The following RAP1GAP2 variants were observed in gnomAD, a reference collection of about 807,000 sequenced individuals.
RAP1GAP2 encodes RAP1 GTPase activating protein 2, also known as rap1 GTPase-activating protein 2.
A neutral mutation model predicts 95.0 loss-of-function variants in RAP1GAP2; 27 were observed. That is an observed-to-expected ratio of 0.28 (90% CI 0.21 to 0.39). The LOEUF is 0.39. Ranked by LOEUF, RAP1GAP2 falls within the 10% of genes least tolerant of loss-of-function variation. The probability of loss-of-function intolerance (pLI) is 1.00; values close to 1 mark genes in which losing one functional copy is unlikely to be tolerated. For missense variants in RAP1GAP2, 771 were observed against 970.0 expected (o/e 0.79, Z 2.72); for synonymous variants, 373 against 380.9 (o/e 0.98, Z 0.24).
intron 22 of RAP1GAP2, among the ~76,000 whole-genome samples, chr17:3,030,003 T>C (rs2047240282): frequency 7.1e-6 from 1 of 141,650 alleles, no homozygotes; most frequent in South Asian, 2.1e-4. Flanking sequence ...GAATGTGGAC[T>C]GATATTACCA....
intron 2 of RAP1GAP2, among the ~76,000 whole-genome samples, chr17:2,830,713 C>G (rs1436158966): frequency 6.7e-6 from 1 of 148,746 alleles, no homozygotes; most frequent in Non-Finnish European, 1.5e-5. Context: ...GACTCTGTCT[C>G]AAAACAAAAC....
Position 2,963,433 on chromosome 17 carries a change from G to A in RAP1GAP2, c.250G>A (p.Asp84Asn), listed in dbSNP as rs748773199. ...QKPGPQKNKDDYIPYPSIDEV... is the reference protein window; with the variant it reads ...QKPGPQKNKDNYIPYPSIDEV... ...CATCATCTGGTTTGTCTTGCAGGAC[G>A]ACTATATCCCATACCCCAGCATCGA... The change falls in exon 6 of 25, where the codon GAC becomes AAC. Residue 84 changes from aspartate (D) to asparagine (N), a missense_variant. Coordinates refer to ENST00000254695, the MANE Select transcript of RAP1GAP2 (RefSeq NM_015085.5). The surrounding 1 kb of genome is among the most constrained non-coding windows in gnomAD (Gnocchi z 4.8). 7 of 1,613,788 alleles carry A rather than the reference G, an allele frequency of 4.3e-6. No individual in the cohort carries two copies. The South Asian group carries it at 5.5e-5, about 13-fold the overall frequency.
chr17:2,865,497 A>G (rs1342026020), intron 2 of RAP1GAP2, among the ~76,000 whole-genome samples: 1 of 152,192 alleles, frequency 6.6e-6, no homozygotes, highest in Non-Finnish European at 1.5e-5. Context: ...ACTTCTCGAT[A>G]TGAACTGGAA....
intron 2 of RAP1GAP2, among the ~76,000 whole-genome samples, chr17:2,822,155 C>T (rs767134987): frequency 3.6e-4 from 54 of 152,098 alleles, no homozygotes; most frequent in African/African-American, 1.1e-3. Flanking sequence ...CATAATATGT[C>T]GTGGGTCCTG....
rs1037266378 is a variant in RAP1GAP2 at position 2,796,907 on chromosome 17, T to C, written c.44+336T>C. 6.6e-6 allele frequency among the ~76,000 whole-genome samples: 1 copy of C among 151,866 alleles called. No individual in the cohort carries two copies. The highest frequency in any genetic ancestry group is 2.4e-5 in the African/African-American group (1 of 41,246). On this transcript the variant is annotated intron_variant, in intron 1 of 24. Coordinates refer to ENST00000254695, the MANE Select transcript of RAP1GAP2 (RefSeq NM_015085.5). This position sits in a 1 kb window ranked among gnomAD's most constrained non-coding sequence, Gnocchi z 4.7. ...ATGTGTGTGCGTGTCTGGGATTATG[T>C]GTAAGTGTGTGTGTGCGCGTTTGAG... is the stretch of plus-strand genomic sequence containing the variant.
chr17:2,875,181 C>T (rs1261479068), intron 2 of RAP1GAP2, among the ~76,000 whole-genome samples: 2 of 152,168 alleles, frequency 1.3e-5, no homozygotes, highest in East Asian at 1.9e-4. Flanking sequence ...ATTCTCCTGC[C>T]TCAGTCTCCG....
intron 2 of RAP1GAP2, among the ~76,000 whole-genome samples, chr17:2,880,058 C>T (rs890226228): frequency 6.6e-6 from 1 of 152,110 alleles, no homozygotes. Context: ...ATCGTGACAA[C>T]TGAGGGGCTG....
Position 2,889,889 on chromosome 17 carries a change from A to ATATATATATT in RAP1GAP2, c.81-15394_81-15393insATATATATTT, listed in dbSNP as rs1408426152. ...TATATATATATATATATATATATAT[A>ATATATATATT]TTTTTTTTTTTTTTTGTAGAGATGG... is the stretch of plus-strand genomic sequence containing the variant. On this transcript the variant is annotated intron_variant, in intron 2 of 24. Transcript: ENST00000254695. Among the ~76,000 whole-genome samples, 294 of 57,212 alleles carry ATATATATATT rather than the reference A, an allele frequency of 5.1e-3. 3 individuals are homozygous for ATATATATATT. The highest frequency in any genetic ancestry group is 0.011 in the East Asian group (17 of 1,572). 37.5% of individuals were successfully genotyped at this position (57,212 alleles called of 152,430 possible). A position where few individuals can be genotyped will look rare whatever the true frequency, so the allele number is the denominator to read the frequency against.
Position 3,030,992 on chromosome 17 carries a change from T to C in RAP1GAP2, c.2178T>C (p.Ser726=), listed in dbSNP as rs751829097. 1 of 1,605,634 alleles carries C rather than the reference T, an allele frequency of 6.2e-7. No homozygotes were observed. The highest frequency in any genetic ancestry group is 1.1e-5 in the South Asian group (1 of 89,620). ...FRFDKLSHAS[S]GAGH Reference sequence around the variant, plus strand: ...TTGACAAGCTCAGCCATGCCAGCTCTGGTGCGGTAAGGATGCGCCTCCCAC... The same window carrying C: ...TTGACAAGCTCAGCCATGCCAGCTCCGGTGCGGTAAGGATGCGCCTCCCAC... Residue 726 remains serine, a synonymous_variant, in exon 23 of 25, where the codon TCT becomes TCC. Transcript: ENST00000254695.
intron 3 of RAP1GAP2, among the ~76,000 whole-genome samples, chr17:2,914,232 C>T (rs2042491074): frequency 6.6e-6 from 1 of 152,130 alleles, no homozygotes; most frequent in South Asian, 2.1e-4. Context: ...CATCTTATAT[C>T]CTCACCAGCA....
upstream of RAP1GAP2, among the ~76,000 whole-genome samples, chr17:2,792,901 G>A (rs1052430648): frequency 1.3e-5 from 2 of 152,206 alleles, no homozygotes; most frequent in Admixed American, 1.3e-4. Context: ...TCATAGCTGG[G>A]CATTTACCTG....
chr17:2,980,541 T>C (rs2045318406), intron 9 of RAP1GAP2, among the ~76,000 whole-genome samples, 176 bp downstream of exon 9: 1 of 152,176 alleles, frequency 6.6e-6, no homozygotes, highest in Non-Finnish European at 1.5e-5. Context: ...GGCAGATGCC[T>C]CTGTCTTTCC....
intron 3 of RAP1GAP2, among the ~76,000 whole-genome samples, chr17:2,925,752 G>T (rs900583717): frequency 2.6e-5 from 4 of 152,194 alleles, no homozygotes; most frequent in African/African-American, 9.6e-5. Flanking sequence ...AAAGCAGAAA[G>T]CAGGCCAGCA....
rs776875419 is a variant in RAP1GAP2, at chr17:2,963,839, C to T, written c.280-17C>T. On this transcript the variant is annotated splice_polypyrimidine_tract_variant and intron_variant, in intron 6 of 24. Transcript: ENST00000254695. This position sits in a 1 kb window ranked among gnomAD's most constrained non-coding sequence, Gnocchi z 4.8. ...CTGCGGTCCCAGGGGAGCGCACGACCCTCCCTCTGCCTTCAGGTTGTGGAG... is the reference window on the plus strand; with the variant it reads ...CTGCGGTCCCAGGGGAGCGCACGACTCTCCCTCTGCCTTCAGGTTGTGGAG... The T allele has an allele frequency of 3.2e-6, 5 of 1,569,002 alleles. No homozygotes were observed. The highest frequency in any genetic ancestry group is 1.4e-5 in the African/African-American group (1 of 74,058).
At chr17:2,822,620 TTTTTTTG>T (rs1409954251) in intron 2 of RAP1GAP2, among the ~76,000 whole-genome samples, 1 of 130,124 alleles carries the variant, frequency 7.7e-6, no homozygotes, top group Non-Finnish European at 1.6e-5. Flanking sequence ...AAACCCTGTT[TTTTTTTG>T]TTTTTTTTTT....
intron 3 of RAP1GAP2, among the ~76,000 whole-genome samples, chr17:2,953,047 C>A (rs1410100534): frequency 6.6e-6 from 1 of 152,062 alleles, no homozygotes; most frequent in Non-Finnish European, 1.5e-5. Context: ...CTCATGTGGT[C>A]TGCCCGCCTC....
chr17:2,812,425 T>C (rs568779435), intron 2 of RAP1GAP2, among the ~76,000 whole-genome samples: 10 of 152,158 alleles, frequency 6.6e-5, no homozygotes, highest in Non-Finnish European at 1.2e-4. Context: ...TCCTCCGGTC[T>C]CTGCCAGCTG....
At chr17:2,919,417 G>A (rs959211655) in intron 3 of RAP1GAP2, among the ~76,000 whole-genome samples, 5 of 152,236 alleles carry the variant, frequency 3.3e-5, no homozygotes, top group Non-Finnish European at 7.3e-5. Flanking sequence ...AGCGTCCCAA[G>A]GCTGGCGTTG....
chr17:2,925,535 C>T lies in RAP1GAP2; in HGVS notation c.165+20167C>T, dbSNP rs142190974. ...GCGTGGGGAAAACCGCTCCCTCGCT[C>T]CACTCGTGGGGATTACAGTTCGAGA... On this transcript the variant is annotated intron_variant, in intron 3 of 24. Coordinates refer to ENST00000254695, the MANE Select transcript of RAP1GAP2 (RefSeq NM_015085.5). Among the ~76,000 whole-genome samples the T allele has an allele frequency of 3.3e-3, 509 of 152,274 alleles. 6 individuals are homozygous for T. The highest frequency in any genetic ancestry group is 0.011 in the African/African-American group (472 of 41,558).
Sources: gnomAD v4.1 joint callset for allele counts (sites outside exome capture counted in the v4.1 genomes callset) on GRCh38, gnomAD v4.1.1 for gene constraint, Gnocchi (gnomAD v3.1) non-coding constraint, MANE v1.5 for transcripts, NCBI Gene and HGNC (gene_info 2026-07-23, HGNC 2026-07-21) for gene names.